The following CNOT1 variants were observed in gnomAD, a reference collection of about 807,000 sequenced individuals.
CNOT1 encodes the protein CCR4-associated factor 1.
In CNOT1, 15 loss-of-function variants were observed where a neutral mutation model predicts 273.8. That is an observed-to-expected ratio of 0.05 (90% CI 0.04 to 0.08). The LOEUF (loss-of-function observed/expected upper bound fraction) is 0.08. Among genes scored for constraint, CNOT1 ranks in the 10% least tolerant of loss-of-function variants. The pLI is 1.00. For missense variants in CNOT1, 1,644 were observed against 2,912.2 expected (o/e 0.56, Z 10.02); for synonymous variants, 1,022 against 1,005.5 (o/e 1.02, Z -0.31).
chr16:58,561,489 T>C (rs796421071), intron 16 of CNOT1, among the ~76,000 whole-genome samples: 1 of 152,122 alleles, frequency 6.6e-6, no homozygotes. Context: ...AAAAACACCA[T>C]GCATAGTAAT....
intron 2 of CNOT1, chr16:58,597,838 G>T: frequency 2.5e-6 from 1 of 397,950 alleles, no homozygotes; most frequent in South Asian, 2.1e-5. Flanking sequence ...CGAGCCCCAG[G>T]ACCATGACCA....
intron 1 of CNOT1, among the ~76,000 whole-genome samples, chr16:58,615,883 A>C (rs1382530933): frequency 8.3e-6 from 1 of 120,050 alleles, no homozygotes; most frequent in African/African-American, 2.8e-5. Context: ...GGAGTTCAAG[A>C]CCAGCCTAGG....
chr16:58,590,131 G>A (rs1759086924), intron 2 of CNOT1, among the ~76,000 whole-genome samples: 1 of 152,148 alleles, frequency 6.6e-6, no homozygotes, highest in South Asian at 2.1e-4. Context: ...TTTGCTAAGA[G>A]CCACATACTA....
rs1216783759 is a variant in CNOT1, at chr16:58,587,447, A to G, written c.310-34T>C. 4 of 1,609,556 alleles carry G rather than the reference A, an allele frequency of 2.5e-6. No individual in the cohort carries two copies. In the Admixed American group the frequency reaches 6.8e-5, roughly 27 times the overall value. ...AACCAAATTTTAGTTTAAAATAAGA[A>G]CTTACTTTTTCAAGAAGTTTTTAAC... On this transcript the variant is annotated intron_variant, in intron 4 of 48. Transcript: ENST00000317147.
Position 58,583,090 on chromosome 16 carries a change from G to C in CNOT1, c.899C>G (p.Thr300Ser), listed in dbSNP as rs752665330. The C allele has an allele frequency of 1.9e-6, 3 of 1,613,998 alleles. No homozygotes were observed. The South Asian group carries it at 3.3e-5, about 18-fold the overall frequency. ...AATGCCATCTGTTAATCCTGAATGAGTTCGAGCCATCATTCCCAAAACCCT... is the reference window on the plus strand; with the variant it reads ...AATGCCATCTGTTAATCCTGAATGACTTCGAGCCATCATTCCCAAAACCCT... ...VARVLGMMAR[T>S]HSGLTDGIPL... Residue 300 changes from threonine (T) to serine (S), a missense_variant, in exon 9 of 49, where the codon ACT becomes AGT. Thr to Ser is a moderately conservative substitution (Grantham distance 58). Coordinates refer to ENST00000317147, the MANE Select transcript of CNOT1 (RefSeq NM_016284.5).
chr16:58,570,691 T>C (rs1488329548), intron 16 of CNOT1, among the ~76,000 whole-genome samples: 1 of 152,118 alleles, frequency 6.6e-6, no homozygotes, highest in Non-Finnish European at 1.5e-5. Context: ...ATAATTTGCA[T>C]GACAATAATG....
chr16:58,612,187 T>A (rs1051025680), intron 1 of CNOT1, among the ~76,000 whole-genome samples: 2 of 152,136 alleles, frequency 1.3e-5, no homozygotes, highest in Non-Finnish European at 2.9e-5. Context: ...ATGCCAGCAA[T>A]GTTCTACCAG....
chr16:58,553,647 A>G lies in CNOT1; in HGVS notation c.2970+135T>C, dbSNP rs1023243111. 6 of 1,097,696 alleles carry G rather than the reference A, an allele frequency of 5.5e-6. No individual in the cohort carries two copies. In the East Asian group the frequency reaches 9.5e-5, roughly 17 times the overall value. The allele number at this position is 1,097,696 out of a possible 1,614,324, so 68.0% of individuals were successfully genotyped here. On this transcript the variant is annotated intron_variant, in intron 22 of 48. Coordinates refer to ENST00000317147, the MANE Select transcript of CNOT1 (RefSeq NM_016284.5). Reference sequence around the variant, plus strand: ...ACAAAATGAGCAACCTCAACAAAAGATATGTGTACCTATATCATGCCAATC... The same window carrying G: ...ACAAAATGAGCAACCTCAACAAAAGGTATGTGTACCTATATCATGCCAATC...
At chr16:58,624,411 T>C (rs995226035) in intron 1 of CNOT1, among the ~76,000 whole-genome samples, 10 of 152,370 alleles carry the variant, frequency 6.6e-5, no homozygotes, top group African/African-American at 2.4e-4. Context: ...GTAACAACTG[T>C]AACACAGTTA....
chr16:58,575,155 T>G (rs759253717), intron 14 of CNOT1, 26 bp from the exon 15 acceptor site: 1 of 1,602,314 alleles, frequency 6.2e-7, no homozygotes, highest in Admixed American at 1.8e-5. Flanking sequence ...CATTAGATAA[T>G]GCAAATGGAG....
Position 58,543,704 on chromosome 16 carries a change from C to T in CNOT1, c.4337G>A (p.Arg1446His), listed in dbSNP as rs779117272. 5 of 1,614,052 alleles carry T rather than the reference C, an allele frequency of 3.1e-6. No individual in the cohort carries two copies. The African/African-American group carries it at 4.0e-5, about 13-fold the overall frequency. Residue 1446 changes from arginine (R) to histidine (H), a missense_variant, in exon 31 of 49, where the codon CGT becomes CAT. Physicochemically the swap from Arg to His is conservative, Grantham distance 29. Coordinates refer to ENST00000317147, the MANE Select transcript of CNOT1 (RefSeq NM_016284.5). ...CATAGCCATTCCAGCTGTCAAGTTA[C>T]GCATCATGTGATGAGCTGCTATTCG... Reference protein sequence around the residue: ...RMRIAAHHMMRNLTAGMAMIT... With the variant: ...RMRIAAHHMMHNLTAGMAMIT...
At chr16:58,554,935 C>CAAAAGAAA (rs774456750) in intron 21 of CNOT1, among the ~76,000 whole-genome samples, 22,423 of 78,828 alleles carry the variant, frequency 0.28, 3,606 homozygotes, top group Middle Eastern at 0.45. Context: ...GACTCCATCT[C>CAAAAGAAA]AAAAAAAAAA....
intron 31 of CNOT1, 35 bp downstream of exon 31, chr16:58,543,572 G>A (rs566265640): frequency 6.8e-6 from 11 of 1,614,018 alleles, no homozygotes; most frequent in Admixed American, 5.0e-5. Context: ...GCAGTAATAC[G>A]TTTTGTACCT....
chr16:58,528,355 G>A (rs1421190648), intron 44 of CNOT1, 120 bp downstream of exon 44: 1 of 747,276 alleles, frequency 1.3e-6, no homozygotes, highest in East Asian at 2.5e-5. Flanking sequence ...CCTTTAAAGA[G>A]TACCCTTAAC....
At chr16:58,615,039 A>T (rs2043026995) in intron 1 of CNOT1, among the ~76,000 whole-genome samples, 1 of 122,736 alleles carries the variant, frequency 8.1e-6, no homozygotes, top group South Asian at 2.4e-4. Context: ...AAAAAAAAAA[A>T]TCAGCCCTGG....
rs1490854857 is a variant in CNOT1 at position 58,555,545 on chromosome 16, A to G, written c.2605-8T>C. ...CTGCAGCATTTCTAATACCTGGAAA[A>G]GCAAGACAAAAACAACGCACACATA... On this transcript the variant is annotated splice_region_variant and splice_polypyrimidine_tract_variant and intron_variant, in intron 20 of 48. Coordinates refer to ENST00000317147, the MANE Select transcript of CNOT1 (RefSeq NM_016284.5). 7 of 1,609,142 alleles carry G rather than the reference A, an allele frequency of 4.4e-6. No individual in the cohort carries two copies. The highest frequency in any genetic ancestry group is 5.9e-6 in the Non-Finnish European group (7 of 1,178,506).
intron 2 of CNOT1, among the ~76,000 whole-genome samples, chr16:58,591,097 G>C (rs188451034): frequency 1.3e-5 from 2 of 152,296 alleles, no homozygotes; most frequent in East Asian, 3.9e-4. Flanking sequence ...CATAGATACA[G>C]GTGAAGAAAG....
At chr16:58,587,485 T>G in intron 4 of CNOT1, 72 bp from the exon 5 acceptor site, 1 of 1,593,076 alleles carries the variant, frequency 6.3e-7, no homozygotes, top group Non-Finnish European at 8.5e-7. Flanking sequence ...CCTATCTGTT[T>G]GCCCAAGGAT....
At chr16:58,594,352 AGTG>A (rs1292153392) in intron 2 of CNOT1, among the ~76,000 whole-genome samples, 1 of 152,238 alleles carries the variant, frequency 6.6e-6, no homozygotes, top group African/African-American at 2.4e-5. Context: ...GAAATAGAAT[AGTG>A]GTCACTAAGG....
Sources: gnomAD v4.1 joint callset for allele counts (sites outside exome capture counted in the v4.1 genomes callset) on GRCh38, gnomAD v4.1.1 for gene constraint, MANE v1.5 for transcripts, NCBI Gene and HGNC (gene_info 2026-07-23, HGNC 2026-07-21) for gene names.